The following TFB1M variants were observed in gnomAD, a reference collection of about 807,000 sequenced individuals.
TFB1M encodes the protein dimethyladenosine transferase 1, mitochondrial.
A neutral mutation model predicts 31.1 loss-of-function variants in TFB1M; 27 were observed. That is an observed-to-expected ratio of 0.87 (90% confidence interval 0.64 to 1.20). The LOEUF (loss-of-function observed/expected upper bound fraction) is 1.20. TFB1M is among the 50% of genes most tolerant of loss of function. The pLI is 0.00. For missense variants in TFB1M, 394 were observed against 418.7 expected (o/e 0.94, Z 0.51); for synonymous variants, 166 against 151.8 (o/e 1.09, Z -0.69).
chr6:155,269,628 C>T (rs1347262525), intron 5 of TFB1M, among the ~76,000 whole-genome samples: 1 of 152,050 alleles, frequency 6.6e-6, no homozygotes, highest in Non-Finnish European at 1.5e-5. Flanking sequence ...GGCCAGTTTT[C>T]TTGTCTATAA....
the TFB1M span, chr6:155,250,946 C>T: frequency 6.2e-7 from 1 of 1,614,206 alleles, no homozygotes; most frequent in Admixed American, 1.7e-5. Flanking sequence ...GCTTCTGATG[C>T]ACTCTACGGT....
At chr6:155,301,370 A>G (rs1472710073) in intron 2 of TFB1M, among the ~76,000 whole-genome samples, 5 of 152,232 alleles carry the variant, frequency 3.3e-5, no homozygotes, top group Non-Finnish European at 5.9e-5. Context: ...CCTTTTAAAC[A>G]CTTCAAATGA....
chr6:155,306,268 A>G (rs1349742058), intron 2 of TFB1M, among the ~76,000 whole-genome samples: 2 of 152,184 alleles, frequency 1.3e-5, no homozygotes, highest in East Asian at 3.8e-4. Context: ...AATATGGCAC[A>G]GTCATCTTAT....
the TFB1M span, among the ~76,000 whole-genome samples, chr6:155,234,142 G>A: frequency 6.6e-6 from 1 of 152,012 alleles, no homozygotes; most frequent in Non-Finnish European, 1.5e-5. Flanking sequence ...GGCCTGTGAT[G>A]GACCCAAGTT....
intron 4 of TFB1M, among the ~76,000 whole-genome samples, chr6:155,294,625 G>T (rs1235027328): frequency 6.6e-6 from 1 of 152,206 alleles, no homozygotes; most frequent in Admixed American, 6.5e-5. Flanking sequence ...CCATTACCCT[G>T]AGATTAATAA....
intron 2 of TFB1M, among the ~76,000 whole-genome samples, chr6:155,300,382 T>C (rs1301935096): frequency 6.6e-6 from 1 of 152,128 alleles, no homozygotes; most frequent in East Asian, 1.9e-4. Context: ...ATCTGGTGAG[T>C]TCCAGGCAAT....
intron 5 of TFB1M, among the ~76,000 whole-genome samples, chr6:155,275,334 C>T (rs1785133877): frequency 2.6e-5 from 4 of 152,204 alleles, no homozygotes; most frequent in Non-Finnish European, 5.9e-5. Flanking sequence ...CTCCTAACAA[C>T]GTACATGTCC....
intron 2 of TFB1M, among the ~76,000 whole-genome samples, chr6:155,303,986 G>A (rs117510699): frequency 1.5e-3 from 221 of 152,242 alleles, no homozygotes; most frequent in Non-Finnish European, 2.5e-3. Context: ...TTTCCACTAT[G>A]CCAATGAAGT....
intron 4 of TFB1M, among the ~76,000 whole-genome samples, chr6:155,286,563 G>GTA (rs202012024): frequency 1.5e-4 from 22 of 146,542 alleles, no homozygotes; most frequent in East Asian, 9.9e-4. Context: ...GTATATATAT[G>GTA]TATATATATA....
At chr6:155,286,679 A>T (rs1776672672) in intron 4 of TFB1M, among the ~76,000 whole-genome samples, 1 of 149,324 alleles carries the variant, frequency 6.7e-6, no homozygotes, top group African/African-American at 2.5e-5. Context: ...ACATATATAT[A>T]TATTTTTTTG....
intron 3 of TFB1M, among the ~76,000 whole-genome samples, chr6:155,298,227 G>A (rs1190503402): frequency 3.3e-5 from 5 of 152,098 alleles, no homozygotes; most frequent in Non-Finnish European, 1.5e-5. Context: ...ACAAAAAATG[G>A]TTAGTTTATT....
the TFB1M span, among the ~76,000 whole-genome samples, chr6:155,246,962 G>A: frequency 0.013 from 1,931 of 152,310 alleles, 51 homozygotes; most frequent in African/African-American, 0.044. Flanking sequence ...TGGTGTATCC[G>A]CTGGTACCCA....
intron 1 of TFB1M, chr6:155,313,387 A>C (rs1389712777): frequency 6.6e-6 from 1 of 152,246 alleles, no homozygotes; most frequent in Non-Finnish European, 1.5e-5. Context: ...ATTTAAGTGA[A>C]AATGAACTTT....
intron 4 of TFB1M, among the ~76,000 whole-genome samples, chr6:155,286,972 T>C (rs773697269): frequency 6.6e-6 from 1 of 152,074 alleles, no homozygotes; most frequent in Non-Finnish European, 1.5e-5. Flanking sequence ...AATCATAAGA[T>C]AAATAGCTAA....
At chr6:155,293,394 G>A (rs914088052) in intron 4 of TFB1M, among the ~76,000 whole-genome samples, 4 of 152,108 alleles carry the variant, frequency 2.6e-5, no homozygotes, top group African/African-American at 4.8e-5. Flanking sequence ...GCTCTGTCAC[G>A]TGCTGCTTCT....
At chr6:155,279,487 C>T (rs1006977843) in intron 5 of TFB1M, among the ~76,000 whole-genome samples, 2 of 152,104 alleles carry the variant, frequency 1.3e-5, no homozygotes, top group Admixed American at 6.5e-5. Context: ...TGCCATTAGT[C>T]AGCATAGTGA....
intron 4 of TFB1M, among the ~76,000 whole-genome samples, chr6:155,290,388 CAAAAAAAAAAAAAAA>C (rs1189869721): frequency 5.6e-5 from 6 of 107,562 alleles, no homozygotes; most frequent in African/African-American, 2.0e-4. Flanking sequence ...GACTCGGCCT[CAAAAAAAAAAAAAAA>C]AAAAAAAGAA....
At chr6:155,251,929 CTT>C, downstream of TFB1M, 1 of 1,589,428 alleles carries the variant, frequency 6.3e-7, no homozygotes, top group Non-Finnish European at 8.6e-7. Context: ...CTTTCTTTCT[CTT>C]TTCCTTTCTT....
the TFB1M span, chr6:155,249,983 C>T: frequency 6.3e-7 from 1 of 1,599,416 alleles, no homozygotes; most frequent in Non-Finnish European, 8.5e-7. Context: ...CGTGAGACAT[C>T]TGCACCCTGG....
Sources: allele counts gnomAD v4.1 joint callset (sites outside exome capture counted in the v4.1 genomes callset), GRCh38; gene constraint gnomAD v4.1.1; transcripts MANE v1.5; gene names NCBI Gene and HGNC (gene_info 2026-07-23, HGNC 2026-07-21).